The following DMD variants were observed in gnomAD, a reference collection of about 807,000 sequenced individuals.
DMD encodes dystrophin.
In DMD, 63 loss-of-function variants were observed where a neutral mutation model predicts 330.1. The observed-to-expected ratio is 0.19, with a 90% CI of 0.16 to 0.24. DMD has a LOEUF of 0.24. DMD is among the 10% of genes least tolerant of loss of function. The pLI is 1.00. For synonymous variants in DMD, 1,223 were observed against 959.8 expected (o/e 1.27, Z -5.07); for missense variants, 3,344 against 2,684.1 (o/e 1.25, Z -5.43).
chrX:32,349,521 A>G (rs2097774779), intron 37 of DMD, among the ~76,000 whole-genome samples: 1 of 111,490 alleles, frequency 9.0e-6, no homozygotes, highest in Non-Finnish European at 1.9e-5. Flanking sequence ...AGACGATTAC[A>G]TTCATCAAGT....
intron 69 of DMD, 148 bp downstream of exon 69, chrX:31,180,222 C>A (rs987488452): frequency 3.8e-6 from 2 of 525,620 alleles, no homozygotes; most frequent in African/African-American, 4.6e-5. Context: ...TAGGGTAAAT[C>A]CTGAAGCCTA....
intron 2 of DMD, among the ~76,000 whole-genome samples, chrX:32,911,146 C>T (rs1020071302): frequency 8.9e-6 from 1 of 112,333 alleles, no homozygotes; most frequent in Non-Finnish European, 1.9e-5. Flanking sequence ...CCTCTGAATC[C>T]TTTATTGACA....
intron 1 of DMD, among the ~76,000 whole-genome samples, chrX:33,203,233 T>G (rs1442136298): frequency 8.9e-6 from 1 of 112,001 alleles, no homozygotes; most frequent in Non-Finnish European, 1.9e-5. Flanking sequence ...ACTATGCAAT[T>G]CTGTATTCTC....
At chrX:31,254,263 CA>C (rs747466154) in intron 63 of DMD, among the ~76,000 whole-genome samples, 2 of 111,339 alleles carry the variant, frequency 1.8e-5, no homozygotes, top group African/African-American at 6.5e-5. Context: ...ATCACAAATG[CA>C]AAAAAACTCA....
intron 60 of DMD, among the ~76,000 whole-genome samples, chrX:31,388,651 C>A (rs948631723): frequency 8.9e-6 from 1 of 111,885 alleles, no homozygotes; most frequent in East Asian, 2.8e-4. Flanking sequence ...CCTGTAATCC[C>A]AGCACTTTAG....
chrX:32,345,922 T>C (rs1268356253), intron 39 of DMD, 21 bp downstream of exon 39: 3 of 1,203,110 alleles, frequency 2.5e-6, no homozygotes, highest in African/African-American at 3.5e-5. Flanking sequence ...GCAAGGTATA[T>C]TATAATTTTA....
At chrX:32,156,664 A>G (rs865921621) in intron 44 of DMD, among the ~76,000 whole-genome samples, 9 of 106,771 alleles carry the variant, frequency 8.4e-5, no homozygotes, top group Non-Finnish European at 1.2e-4. Context: ...ACACACACAC[A>G]CACGCACGCA....
At chrX:32,711,718 G>A (rs1035700062) in intron 7 of DMD, among the ~76,000 whole-genome samples, 3 of 111,830 alleles carry the variant, frequency 2.7e-5, no homozygotes, top group African/African-American at 9.7e-5. Context: ...CCATTAGCTA[G>A]AAGTAATACT....
intron 52 of DMD, among the ~76,000 whole-genome samples, chrX:31,691,648 T>C (rs911857858): frequency 8.9e-6 from 1 of 111,985 alleles, no homozygotes; most frequent in Non-Finnish European, 1.9e-5. Context: ...TAGTTACACT[T>C]ACTTCAGACA....
At chrX:31,336,536 T>C (rs1267820928) in intron 61 of DMD, among the ~76,000 whole-genome samples, 1 of 112,499 alleles carries the variant, frequency 8.9e-6, no homozygotes, top group African/African-American at 3.2e-5. Flanking sequence ...GAGCCAGCAT[T>C]CCACTAATTA....
At chrX:32,114,211 A>G (rs1034052103) in intron 44 of DMD, among the ~76,000 whole-genome samples, 27 of 111,592 alleles carry the variant, frequency 2.4e-4, no homozygotes, top group African/African-American at 8.5e-4. Context: ...AACAACTGAA[A>G]GCGTACTTAA....
At chrX:31,890,206 G>T in intron 47 of DMD, among the ~76,000 whole-genome samples, 1 of 109,347 alleles carries the variant, frequency 9.1e-6, no homozygotes, top group Non-Finnish European at 1.9e-5. Context: ...AAATTCAGAA[G>T]TTTCATTTAA....
chrX:32,280,165 G>GTATATA lies in DMD; in HGVS notation c.6290+7358_6290+7363dup, dbSNP rs201359021. Among the ~76,000 whole-genome samples, 22 of 22,178 alleles carry GTATATA rather than the reference G, an allele frequency of 9.9e-4. No individual in the cohort carries two copies. The South Asian group carries it at 0.013, about 13-fold the overall frequency. The allele number at this position is 22,178 out of a possible 115,157, so 19.3% of individuals were successfully genotyped here. On this transcript the variant is annotated intron_variant, in intron 43 of 78. Transcript: ENST00000357033. ...TACAGTATATATATATATATATACAGTATATATATATATATATATATACAC... is the reference window on the plus strand; with the variant it reads ...TACAGTATATATATATATATATACAGTATATATATATATATATATATATATATACAC...
At chrX:32,706,524 A>G (rs2064679427) in intron 7 of DMD, among the ~76,000 whole-genome samples, 1 of 110,315 alleles carries the variant, frequency 9.1e-6, no homozygotes, top group Non-Finnish European at 1.9e-5. Context: ...AGATCGGGCC[A>G]CTGCACTCCA....
chrX:31,772,484 TA>T (rs1267123936), intron 51 of DMD, among the ~76,000 whole-genome samples: 1 of 112,386 alleles, frequency 8.9e-6, no homozygotes, highest in Non-Finnish European at 1.9e-5. Flanking sequence ...CTTGTTTCTG[TA>T]TGTATCAGTA....
At chrX:33,252,816 T>C (rs2052793167) in intron 1 of DMD, among the ~76,000 whole-genome samples, 1 of 112,190 alleles carries the variant, frequency 8.9e-6, no homozygotes, top group Non-Finnish European at 1.9e-5. Context: ...CTTAGCTTAA[T>C]GTTGCTTAGG....
At chrX:31,581,796 G>A (rs1307386073) in intron 55 of DMD, among the ~76,000 whole-genome samples, 1 of 112,107 alleles carries the variant, frequency 8.9e-6, no homozygotes, top group African/African-American at 3.2e-5. Context: ...AGATGAATAT[G>A]TAATAAATCA....
At chrX:31,271,246 G>A (rs1450715415) in intron 62 of DMD, among the ~76,000 whole-genome samples, 1 of 111,343 alleles carries the variant, frequency 9.0e-6, no homozygotes, top group Non-Finnish European at 1.9e-5. Flanking sequence ...TGAATTGGAG[G>A]TGGTGATGTA....
At chrX:32,608,546 C>A (rs961072494) in intron 12 of DMD, among the ~76,000 whole-genome samples, 2 of 110,523 alleles carry the variant, frequency 1.8e-5, no homozygotes, top group Non-Finnish European at 3.8e-5. Context: ...AGGTAAGCCA[C>A]TTTACAGATG....
Sources: gnomAD v4.1 joint callset for allele counts (sites outside exome capture counted in the v4.1 genomes callset) on GRCh38, gnomAD v4.1.1 for gene constraint, MANE v1.5 for transcripts, NCBI Gene and HGNC (gene_info 2026-07-23, HGNC 2026-07-21) for gene names.